PCDH9: variants seen among roughly 807,000 people sequenced by gnomAD.
The protein encoded by PCDH9 is protocadherin 9.
A neutral mutation model predicts 70.6 loss-of-function variants in PCDH9; 24 were observed. That is an observed-to-expected ratio of 0.34 (90% confidence interval 0.25 to 0.48). The LOEUF (loss-of-function observed/expected upper bound fraction) is 0.48. Among genes scored for constraint, PCDH9 ranks in the 20% least tolerant of loss-of-function variants. The probability of loss-of-function intolerance (pLI) is 0.99; values close to 1 mark genes in which losing one functional copy is unlikely to be tolerated. For missense variants in PCDH9, 1,281 were observed against 1,503.6 expected (o/e 0.85, Z 2.45); for synonymous variants, 562 against 558.5 (o/e 1.01, Z -0.09).
chr13:66,783,782 G>A (rs186040456), intron 3 of PCDH9, among the ~76,000 whole-genome samples: 11 of 151,892 alleles, frequency 7.2e-5, no homozygotes, highest in Admixed American at 3.3e-4. Context: ...AACATTATAC[G>A]TCCTCTATTT....
At chr13:67,206,991 C>A (rs1191009618) in intron 2 of PCDH9, 1 of 152,112 alleles carries the variant, frequency 6.6e-6, no homozygotes, top group African/African-American at 2.4e-5. Context: ...TATCTCGAAT[C>A]GTACTGCCTA....
chr13:66,517,141 A>C (rs4369534), intron 4 of PCDH9, among the ~76,000 whole-genome samples: 127,864 of 152,080 alleles, frequency 0.84, 53,949 homozygotes, highest in East Asian at 1. Context: ...GGTATCTTTA[A>C]TTTATATAAA....
At chr13:66,533,933 A>C (rs1295000562) in intron 4 of PCDH9, among the ~76,000 whole-genome samples, 1 of 152,086 alleles carries the variant, frequency 6.6e-6, no homozygotes, top group Non-Finnish European at 1.5e-5. Flanking sequence ...TGTTCTTTCT[A>C]TGTCTTTAGA....
chr13:67,079,958 TC>T (rs1296633885), intron 2 of PCDH9, among the ~76,000 whole-genome samples: 1 of 152,100 alleles, frequency 6.6e-6, no homozygotes, highest in Non-Finnish European at 1.5e-5. Flanking sequence ...ACCTATGATC[TC>T]CCCAGCCCTC....
chr13:67,223,606 T>C (rs539278481), intron 2 of PCDH9: 1 of 152,144 alleles, frequency 6.6e-6, no homozygotes, highest in African/African-American at 2.4e-5. Flanking sequence ...TAAATTACTT[T>C]TCTTATCATA....
chr13:66,316,437 C>T (rs1368494518), intron 4 of PCDH9, among the ~76,000 whole-genome samples: 1 of 152,176 alleles, frequency 6.6e-6, no homozygotes, highest in Non-Finnish European at 1.5e-5. Flanking sequence ...CCTAGAGAGC[C>T]TCTCATGATC....
At chr13:66,822,269 A>G (rs2080725796) in intron 3 of PCDH9, among the ~76,000 whole-genome samples, 1 of 152,128 alleles carries the variant, frequency 6.6e-6, no homozygotes, top group African/African-American at 2.4e-5. Context: ...AATGTTTACC[A>G]TGCTCTCACA....
At chr13:66,666,880 C>T (rs1309931391) in intron 3 of PCDH9, among the ~76,000 whole-genome samples, 1 of 152,098 alleles carries the variant, frequency 6.6e-6, no homozygotes, top group African/African-American at 2.4e-5. Flanking sequence ...GTCTTACCAA[C>T]TTTCTGAAGT....
intron 4 of PCDH9, among the ~76,000 whole-genome samples, chr13:66,508,113 A>C (rs1375572959): frequency 6.6e-6 from 1 of 152,224 alleles, no homozygotes; most frequent in Non-Finnish European, 1.5e-5. Context: ...AAATTATTTG[A>C]TAGAGAGCAT....
intron 2 of PCDH9, among the ~76,000 whole-genome samples, chr13:67,200,180 CTTGT>C (rs1181324517): frequency 2.0e-5 from 3 of 152,004 alleles, no homozygotes; most frequent in African/African-American, 7.2e-5. Flanking sequence ...TAATTTTTTA[CTTGT>C]TTGTTTTTAA....
intron 2 of PCDH9, chr13:67,224,220 G>C (rs1279236970): frequency 6.6e-6 from 1 of 152,210 alleles, no homozygotes; most frequent in Non-Finnish European, 1.5e-5. Flanking sequence ...GACAAAGACA[G>C]AACTAGCATT....
intron 3 of PCDH9, among the ~76,000 whole-genome samples, chr13:66,720,456 C>A (rs1201883681): frequency 6.6e-6 from 1 of 151,612 alleles, no homozygotes; most frequent in East Asian, 1.9e-4. Context: ...AACCAACATG[C>A]CCAGCCTCAT....
intron 4 of PCDH9, among the ~76,000 whole-genome samples, chr13:66,319,382 G>A (rs113418968): frequency 9.2e-5 from 14 of 152,022 alleles, no homozygotes; most frequent in Admixed American, 7.2e-4. Flanking sequence ...TTCTTGAAGC[G>A]CAATGGCAGA....
chr13:67,058,757 G>T (rs539624773), intron 2 of PCDH9, among the ~76,000 whole-genome samples: 74 of 152,210 alleles, frequency 4.9e-4, no homozygotes, highest in African/African-American at 1.7e-3. Context: ...TCTTTGAAAA[G>T]CACTTTTAGA....
intron 3 of PCDH9, among the ~76,000 whole-genome samples, chr13:66,737,542 C>T (rs1276993125): frequency 1.3e-5 from 2 of 152,116 alleles, no homozygotes; most frequent in Admixed American, 6.5e-5. Flanking sequence ...CCAGCGTGAG[C>T]GACGCAGAAG....
At chr13:66,962,881 A>C (rs1032691844) in intron 2 of PCDH9, among the ~76,000 whole-genome samples, 7 of 152,172 alleles carry the variant, frequency 4.6e-5, no homozygotes, top group African/African-American at 1.7e-4. Context: ...TTTATTGTGC[A>C]CTTTATTTCA....
At chr13:66,637,893 G>A (rs1200966428) in intron 3 of PCDH9, among the ~76,000 whole-genome samples, 3 of 146,388 alleles carry the variant, frequency 2.0e-5, no homozygotes, top group South Asian at 2.2e-4. Flanking sequence ...TAGCCTGGGC[G>A]AGAGAGCAAG....
chr13:67,089,043 AT>A (rs2086164838), intron 2 of PCDH9, among the ~76,000 whole-genome samples: 1 of 151,978 alleles, frequency 6.6e-6, no homozygotes, highest in Non-Finnish European at 1.5e-5. Flanking sequence ...CTTCATCAAA[AT>A]TTTTTCACCC....
intron 2 of PCDH9, chr13:67,205,496 C>A (rs747009902): frequency 1.3e-5 from 2 of 152,180 alleles, no homozygotes; most frequent in African/African-American, 4.8e-5. Context: ...GTTCAGAATT[C>A]TAAGTGTTTG....
Sources: allele counts gnomAD v4.1 joint callset (sites outside exome capture counted in the v4.1 genomes callset), GRCh38; gene constraint gnomAD v4.1.1; transcripts MANE v1.5; gene names NCBI Gene and HGNC (gene_info 2026-07-23, HGNC 2026-07-21).